The following SLCO6A1 variants were observed in gnomAD, a reference collection of about 807,000 sequenced individuals.
SLCO6A1 encodes cancer/testis antigen 48.
SLCO6A1 carries 65 observed loss-of-function variants against 72.7 expected under a neutral mutation model. The ratio of observed to expected loss-of-function variants is 0.89; its 90% CI spans 0.73 to 1.10. The LOEUF (loss-of-function observed/expected upper bound fraction) is 1.10. Among genes scored for constraint, SLCO6A1 ranks in the 50% least tolerant of loss-of-function variants. The pLI is 0.00. For missense variants in SLCO6A1, 874 were observed against 872.6 expected (o/e 1.00, Z -0.02); for synonymous variants, 314 against 298.2 (o/e 1.05, Z -0.55).
At chr5:102,483,322 C>T (rs796612127) in intron 1 of SLCO6A1, among the ~76,000 whole-genome samples, 10 of 152,280 alleles carry the variant, frequency 6.6e-5, no homozygotes, top group African/African-American at 9.6e-5. Context: ...GTTCTTTCCA[C>T]GGGGAGAATT....
intron 1 of SLCO6A1, among the ~76,000 whole-genome samples, chr5:102,489,012 T>C (rs1482085802): frequency 1.3e-5 from 2 of 152,120 alleles, no homozygotes; most frequent in African/African-American, 4.8e-5. Flanking sequence ...GACAGAAGCA[T>C]AGAAAGCATA....
rs1444958515 is a variant in SLCO6A1 at position 102,391,016 on chromosome 5, G to A, written c.1844C>T (p.Ala615Val). ...RVVPDKLRSLALGVSYVILRI... is the reference protein window; with the variant it reads ...RVVPDKLRSLVLGVSYVILRI... ...CAAAATCACATAGCTTACACCCAAG[G>A]CCAGAGAACGCAGTTTGTCAGGTAC... Residue 615 changes from alanine to valine, a missense_variant, in exon 11 of 14, where the codon GCC (alanine) becomes GTC (valine). Physicochemically the swap from Ala to Val is moderately conservative, Grantham distance 64 (BLOSUM62 0). Transcript: ENST00000506729. The A allele has an allele frequency of 1.2e-6, 2 of 1,613,412 alleles. No individual in the cohort carries two copies. The highest frequency in any genetic ancestry group is 2.2e-5 in the East Asian group (1 of 44,836).
chr5:102,378,190 T>C (rs998143388), intron 12 of SLCO6A1, among the ~76,000 whole-genome samples: 1 of 151,964 alleles, frequency 6.6e-6, no homozygotes, highest in Non-Finnish European at 1.5e-5. Flanking sequence ...TTAGGGTACA[T>C]AAGAAAATGT....
At position 102,458,400 on chromosome 5, in the gene SLCO6A1, A is replaced by T; in HGVS notation, c.1113T>A (p.Asp371Glu). The change falls in exon 6 of 14, where the codon GAT (aspartate) becomes GAA (glutamate). Residue 371 changes from aspartate (D) to glutamate (E), a missense_variant. Asp to Glu is a conservative substitution (Grantham distance 45). Coordinates refer to ENST00000506729, the MANE Select transcript of SLCO6A1 (RefSeq NM_173488.5). ...KDLKLGTNIK[D>E]LCAALWILMK... ...ACTTTACCCAAAGAGCAGCACATAA[A>T]TCCTTGATATTAGTTCCAAGTTTCA... is the stretch of plus-strand genomic sequence containing the variant. The T allele has an allele frequency of 6.2e-7, 1 of 1,611,328 alleles. No homozygotes were observed. Among genetic ancestry groups the T allele is most frequent in the Non-Finnish European group, 8.5e-7 (1 of 1,178,366 alleles).
intron 7 of SLCO6A1, among the ~76,000 whole-genome samples, chr5:102,427,864 A>ATTTTTTTTTTTTTT (rs1200200259): frequency 1.3e-5 from 1 of 76,264 alleles, no homozygotes; most frequent in Non-Finnish European, 2.4e-5. Context: ...ATATATATAT[A>ATTTTTTTTTTTTTT]TTTTTTTTTT....
chr5:102,477,431 C>T (rs1345952040), intron 3 of SLCO6A1, among the ~76,000 whole-genome samples: 4 of 152,088 alleles, frequency 2.6e-5, no homozygotes, highest in African/African-American at 9.6e-5. Flanking sequence ...GCCGAAAGTA[C>T]GTATTTTTTC....
intron 1 of SLCO6A1, 112 bp from the exon 2 acceptor site, chr5:102,480,546 T>C (rs1420899562): frequency 9.4e-7 from 1 of 1,068,536 alleles, no homozygotes; most frequent in African/African-American, 1.6e-5. Context: ...TAAATTATTC[T>C]GAATGTTTAA....
intron 1 of SLCO6A1, among the ~76,000 whole-genome samples, chr5:102,483,859 A>G (rs575504032): frequency 2.6e-5 from 4 of 152,242 alleles, no homozygotes; most frequent in Admixed American, 2.0e-4. Flanking sequence ...TTTTTTCTCA[A>G]ATCAATGCCC....
intron 3 of SLCO6A1, among the ~76,000 whole-genome samples, chr5:102,476,909 T>C (rs1751928692): frequency 6.6e-6 from 1 of 152,038 alleles, no homozygotes; most frequent in East Asian, 1.9e-4. Context: ...TACAAATAGA[T>C]GATCTACCAG....
intron 4 of SLCO6A1, among the ~76,000 whole-genome samples, chr5:102,462,966 A>G (rs1751119010): frequency 6.6e-6 from 1 of 152,234 alleles, no homozygotes; most frequent in Non-Finnish European, 1.5e-5. Context: ...AAAAGAAATA[A>G]TCAGCAGAGA....
chr5:102,489,501 AT>A (rs912405826), intron 1 of SLCO6A1, among the ~76,000 whole-genome samples: 2 of 152,148 alleles, frequency 1.3e-5, no homozygotes, highest in South Asian at 2.1e-4. Flanking sequence ...CATCAGATCT[AT>A]TTTTTTTAAT....
chr5:102,386,279 C>T (rs1746412528), intron 12 of SLCO6A1, among the ~76,000 whole-genome samples: 7 of 152,038 alleles, frequency 4.6e-5, no homozygotes. Flanking sequence ...TTTGACTGAG[C>T]CCATGAGAGT....
chr5:102,473,514 T>A (rs753580788), intron 4 of SLCO6A1, among the ~76,000 whole-genome samples: 1 of 152,008 alleles, frequency 6.6e-6, no homozygotes, highest in Non-Finnish European at 1.5e-5. Flanking sequence ...ACAGTTAACA[T>A]CATACTCAAT....
chr5:102,466,041 T>G (rs184738710), intron 4 of SLCO6A1, among the ~76,000 whole-genome samples: 115 of 152,214 alleles, frequency 7.6e-4, no homozygotes, highest in Admixed American at 1.6e-3. Flanking sequence ...TATTTTAAGT[T>G]CATGGGTATA....
intron 6 of SLCO6A1, among the ~76,000 whole-genome samples, chr5:102,439,252 A>T (rs1230992446): frequency 6.6e-6 from 1 of 152,046 alleles, no homozygotes; most frequent in Non-Finnish European, 1.5e-5. Flanking sequence ...AAATCTACCT[A>T]TACAAATAAT....
chr5:102,447,327 T>C (rs1561468804), intron 6 of SLCO6A1, among the ~76,000 whole-genome samples: 1 of 152,204 alleles, frequency 6.6e-6, no homozygotes, highest in Admixed American at 6.5e-5. Flanking sequence ...TGAAGCGTTC[T>C]TATTTCACTT....
At chr5:102,418,224 A>C (rs956426115) in intron 8 of SLCO6A1, among the ~76,000 whole-genome samples, 2 of 151,950 alleles carry the variant, frequency 1.3e-5, no homozygotes, top group African/African-American at 4.8e-5. Context: ...ATGTATATAC[A>C]TATACTTTTT....
intron 1 of SLCO6A1, among the ~76,000 whole-genome samples, chr5:102,481,275 A>G (rs1219237632): frequency 1.3e-5 from 2 of 152,068 alleles, no homozygotes; most frequent in Non-Finnish European, 2.9e-5. Flanking sequence ...TCTTCCTATG[A>G]CAGGGAGCTC....
At position 102,457,370 on chromosome 5, in the gene SLCO6A1, A is replaced by G. The variant is rs555126861; in HGVS notation, c.1131+1012T>C. Among the ~76,000 whole-genome samples the G allele has an allele frequency of 2.1e-3, 315 of 151,840 alleles. 3 individuals carry two copies. The highest frequency in any genetic ancestry group is 7.2e-3 in the African/African-American group (299 of 41,510). On this transcript the variant is annotated intron_variant, in intron 6 of 13. Transcript: ENST00000506729. ...TCTACTCATCTGACAAAGGGCTAGTATCCAGAATCTACAATGAACTCAAAC... is the reference window on the plus strand; with the variant it reads ...TCTACTCATCTGACAAAGGGCTAGTGTCCAGAATCTACAATGAACTCAAAC...
Sources: allele counts gnomAD v4.1 joint callset (sites outside exome capture counted in the v4.1 genomes callset), GRCh38; gene constraint gnomAD v4.1.1; transcripts MANE v1.5; gene names NCBI Gene and HGNC (gene_info 2026-07-23, HGNC 2026-07-21).